Variants in SLC37A1 observed in about 807,000 individuals in gnomAD.
SLC37A1 encodes the protein glucose-6-phosphate exchanger SLC37A1.
In SLC37A1, 49 loss-of-function variants were observed where a neutral mutation model predicts 75.3. The observed-to-expected ratio is 0.65, with a 90% CI of 0.52 to 0.83. The LOEUF is 0.83. SLC37A1 is among the 40% of genes least tolerant of loss of function. The pLI is 0.00. For synonymous variants in SLC37A1, 268 were observed against 292.1 expected (o/e 0.92, Z 0.84); for missense variants, 566 against 695.0 (o/e 0.81, Z 2.09).
Position 42,543,613 on chromosome 21 carries a change from G to C in SLC37A1, c.730+11G>C. ...TCTTCCTCATTGAACGTAAGTGCACGTGGCCTTGGAGACCACCCACCAAGG... is the reference window on the plus strand; with the variant it reads ...TCTTCCTCATTGAACGTAAGTGCACCTGGCCTTGGAGACCACCCACCAAGG... On this transcript the variant is annotated intron_variant, in intron 8 of 19. Transcript: ENST00000352133. The C allele has an allele frequency of 6.3e-7, 1 of 1,583,312 alleles. No homozygotes were observed. Among genetic ancestry groups the C allele is most frequent in the South Asian group, 1.1e-5 (1 of 86,964 alleles).
At chr21:42,564,643 C>A in intron 13 of SLC37A1, 65 bp from the exon 14 acceptor site, 1 of 1,336,942 alleles carries the variant, frequency 7.5e-7, no homozygotes, top group Non-Finnish European at 1.1e-6. Context: ...TCCTGCAGTT[C>A]TGCTTCCTCC....
chr21:42,580,665 C>A lies in SLC37A1; in HGVS notation c.*305C>A, dbSNP rs998428544. The A allele has an allele frequency of 5.0e-5, 13 of 258,552 alleles. No homozygotes were observed. The highest frequency in any genetic ancestry group is 1.5e-4 in the South Asian group (4 of 27,320). 16.0% of individuals were successfully genotyped at this position (258,552 alleles called of 1,614,324 possible). On this transcript the variant is annotated 3_prime_UTR_variant, in exon 20 of 20. Coordinates refer to ENST00000352133, the MANE Select transcript of SLC37A1 (RefSeq NM_001320537.2). ...TGCAGCCACCCAAATGCACGCGTGA[C>A]AACAAGGCCGGGAGGGTGGGGGGGG...
intron 12 of SLC37A1, among the ~76,000 whole-genome samples, chr21:42,563,335 A>G (rs533938648): frequency 2.5e-4 from 38 of 152,342 alleles, no homozygotes; most frequent in Middle Eastern, 3.4e-3. Context: ...TTTGACCCAC[A>G]GCCCCAGATG....
intron 1 of SLC37A1, among the ~76,000 whole-genome samples, chr21:42,500,541 T>C (rs1439759510): frequency 2.0e-5 from 3 of 152,224 alleles, no homozygotes; most frequent in Admixed American, 6.5e-5. Context: ...ATTGTACTGC[T>C]GTTAATCTTA....
At chr21:42,508,635 G>C (rs1325842006) in intron 2 of SLC37A1, 3 of 152,200 alleles carry the variant, frequency 2.0e-5, no homozygotes, top group Non-Finnish European at 4.4e-5. Context: ...CCAGAGTGGA[G>C]CTCAGCTACA....
In SLC37A1 at chr21:42,580,444, A is replaced by G; in HGVS notation, c.*84A>G. On this transcript the variant is annotated 3_prime_UTR_variant, in exon 20 of 20. Transcript: ENST00000352133. ...GGACAGTTCAGACAAAGGGCCCTGC[A>G]TGGAAAGAGTGACCTCCCTTTGCCT... 2.0e-6 allele frequency: 3 copies of G among 1,475,084 alleles called. No homozygotes were observed. Among genetic ancestry groups the G allele is most frequent in the Non-Finnish European group, 2.8e-6 (3 of 1,082,484 alleles). 91.4% of individuals were successfully genotyped at this position (1,475,084 alleles called of 1,614,324 possible).
chr21:42,539,873 GCTGT>G (rs1224639890), intron 6 of SLC37A1, among the ~76,000 whole-genome samples: 1 of 152,202 alleles, frequency 6.6e-6, no homozygotes, highest in Non-Finnish European at 1.5e-5. Context: ...CGTAAAAAAT[GCTGT>G]CTGTCAGTGC....
At position 42,564,663 on chromosome 21, in the gene SLC37A1, C is replaced by T. The variant is rs1343972851; in HGVS notation, c.1136-45C>T. ...CAGTTCTGCTTCCTCCCCGTGGGCT[C>T]ATGCCCTGGGACGTCAGTGCCTGAA... On this transcript the variant is annotated intron_variant, in intron 13 of 19. Transcript: ENST00000352133. 3 of 1,531,100 alleles carry T rather than the reference C, an allele frequency of 2.0e-6. No individual in the cohort carries two copies. The African/African-American group carries it at 4.1e-5, about 21-fold the overall frequency. 94.8% of individuals were successfully genotyped at this position (1,531,100 alleles called of 1,614,324 possible).
Position 42,532,925 on chromosome 21 carries a change from C to T in SLC37A1, c.139-1773C>T, listed in dbSNP as rs2055027017. On this transcript the variant is annotated intron_variant, in intron 3 of 19. Coordinates refer to ENST00000352133, the MANE Select transcript of SLC37A1 (RefSeq NM_001320537.2). The stretch of plus-strand genomic sequence containing the variant: ...AGTGTTTAATTATAGCAGAACAGCC[C>T]AGTGATGACGGCAGAGTCACGTGAC... 3.3e-5 allele frequency among the ~76,000 whole-genome samples: 5 copies of T among 152,350 alleles called. No individual in the cohort carries two copies. In the South Asian group the frequency reaches 1.0e-3, roughly 32 times the overall value.
chr21:42,530,659 C>CCCCCT (rs1034445660), intron 3 of SLC37A1, among the ~76,000 whole-genome samples: 4 of 143,032 alleles, frequency 2.8e-5, no homozygotes, highest in African/African-American at 1.1e-4. Flanking sequence ...CACACACCCC[C>CCCCCT]TCTGTGTTGG....
chr21:42,563,728 G>A (rs1362250310), intron 12 of SLC37A1, 87 bp from the exon 13 acceptor site: 27 of 1,254,294 alleles, frequency 2.2e-5, no homozygotes, highest in Non-Finnish European at 2.7e-5. Flanking sequence ...CCAGAGTCCC[G>A]TGCACGGGTC....
At chr21:42,535,592 G>A (rs1286267845) in intron 5 of SLC37A1, 42 bp downstream of exon 5, 2 of 1,545,822 alleles carry the variant, frequency 1.3e-6, no homozygotes, top group East Asian at 4.5e-5. Context: ...TGGTTACCTG[G>A]CCCCTCCGTG....
At chr21:42,560,503 G>A (rs904027902) in intron 11 of SLC37A1, 1 of 152,348 alleles carries the variant, frequency 6.6e-6, no homozygotes, top group African/African-American at 2.4e-5. Context: ...CAGCAGGTCA[G>A]GGCTGGAAGT....
chr21:42,518,681 G>A (rs558264701), intron 2 of SLC37A1, among the ~76,000 whole-genome samples, 171 bp downstream of exon 2: 1 of 152,308 alleles, frequency 6.6e-6, no homozygotes, highest in African/African-American at 2.4e-5. Context: ...ACCCAGAACA[G>A]TGCTGAGGTG....
intron 12 of SLC37A1, 45 bp from the exon 13 acceptor site, chr21:42,563,768 CGT>C: frequency 6.3e-7 from 1 of 1,583,580 alleles, no homozygotes; most frequent in Non-Finnish European, 8.7e-7. Context: ...CGCTGCGATG[CGT>C]GAAGGAGATC....
chr21:42,543,815 A>G (rs2055343414), intron 8 of SLC37A1, among the ~76,000 whole-genome samples: 1 of 152,098 alleles, frequency 6.6e-6, no homozygotes, highest in Admixed American at 6.5e-5. Context: ...TTCTGGAGTG[A>G]CCCATGTCCC....
intron 19 of SLC37A1, 31 bp downstream of exon 19, chr21:42,579,831 G>C (rs367860661): frequency 1.2e-6 from 2 of 1,610,338 alleles, no homozygotes; most frequent in Non-Finnish European, 1.7e-6. Context: ...GTCTCCGTGC[G>C]TGAAAGCCGG....
rs228105 is a variant in SLC37A1, at chr21:42,578,732, G to A, written c.1522-1004G>A. ...CTGGATGCATCTTATCTGTAGGAGGGGCCCCTGTTCTCTCCAGCTTGAACT... is the reference window on the plus strand; with the variant it reads ...CTGGATGCATCTTATCTGTAGGAGGAGCCCCTGTTCTCTCCAGCTTGAACT... On this transcript the variant is annotated intron_variant, in intron 18 of 19. Transcript: ENST00000352133. Among the ~76,000 whole-genome samples the A allele has an allele frequency of 2.6e-5, 4 of 152,272 alleles. No individual in the cohort carries two copies. The South Asian group carries it at 8.3e-4, about 32-fold the overall frequency.
At chr21:42,564,223 C>CAAAAAAAAAAAAA (rs59155326) in intron 13 of SLC37A1, among the ~76,000 whole-genome samples, 5 of 79,976 alleles carry the variant, frequency 6.3e-5, no homozygotes, top group Non-Finnish European at 9.6e-5. Flanking sequence ...CCCCTCTCTA[C>CAAAAAAAAAAAAA]AAAAAAAAAA....
Sources: gnomAD v4.1 joint callset for allele counts (sites outside exome capture counted in the v4.1 genomes callset) on GRCh38, gnomAD v4.1.1 for gene constraint, MANE v1.5 for transcripts, NCBI Gene and HGNC (gene_info 2026-07-23, HGNC 2026-07-21) for gene names.